Variants in VDAC1 observed in about 807,000 individuals in gnomAD.
VDAC1 encodes the protein voltage dependent anion channel 1.
VDAC1 carries 10 observed loss-of-function variants against 34.7 expected under a neutral mutation model. The observed-to-expected ratio is 0.29, with a 90% CI of 0.18 to 0.49. The LOEUF is 0.49. Among genes scored for constraint, VDAC1 ranks in the 20% least tolerant of loss-of-function variants. The pLI is 0.99. For missense variants in VDAC1, 230 were observed against 347.9 expected (o/e 0.66, Z 2.69); for synonymous variants, 130 against 136.0 (o/e 0.96, Z 0.30).
Position 133,991,074 on chromosome 5 carries a change from C to T in VDAC1, c.198G>A (p.Glu66=). The change falls in exon 4 of 9, where the codon GAG becomes GAA. Residue 66 remains glutamate (E), a synonymous_variant. Transcript: ENST00000265333. ...ATTTCTCTGTAAACGTCAGGCCGTA[C>T]TCAGTCCATCTGTACTTGGTTTCCA... ...GSLETKYRWT[E]YGLTFTEKWN... 6.2e-7 allele frequency: 1 copy of T among 1,614,142 alleles called. No homozygotes were observed. The highest frequency in any genetic ancestry group is 8.5e-7 in the Non-Finnish European group (1 of 1,180,042).
At chr5:134,005,500 T>A (rs549876053), upstream of VDAC1, 1 of 152,394 alleles carries the variant, frequency 6.6e-6, no homozygotes, top group Admixed American at 6.5e-5. Flanking sequence ...GCAAAGCTAC[T>A]AGCAGCCAAT....
chr5:134,012,016 G>C, the VDAC1 span, among the ~76,000 whole-genome samples: 837 of 152,074 alleles, frequency 5.5e-3, 8 homozygotes, highest in African/African-American at 0.02. Flanking sequence ...AGCAGGGCAG[G>C]GGTGGGGAGA....
At chr5:134,058,398 C>A in the VDAC1 span, among the ~76,000 whole-genome samples, 1 of 151,854 alleles carries the variant, frequency 6.6e-6, no homozygotes, top group Admixed American at 6.6e-5. Context: ...ACTGGAAGCT[C>A]CGCCTCCTGA....
the VDAC1 span, among the ~76,000 whole-genome samples, chr5:134,014,158 A>T: frequency 3.3e-5 from 5 of 151,014 alleles, no homozygotes; most frequent in East Asian, 9.8e-4. Context: ...GTGTGGTGGC[A>T]CGCGCTTGTA....
At chr5:134,065,634 C>T in the VDAC1 span, among the ~76,000 whole-genome samples, 15 of 151,850 alleles carry the variant, frequency 9.9e-5, no homozygotes, top group Admixed American at 3.3e-4. Context: ...AGCCACTGTG[C>T]CCTGCCTCTT....
At position 133,990,917 on chromosome 5, in the gene VDAC1, A is replaced by C. The variant is rs1455854294; in HGVS notation, c.271-10T>G. The C allele has an allele frequency of 6.3e-7, 1 of 1,590,440 alleles. No homozygotes were observed. The highest frequency in any genetic ancestry group is 8.6e-7 in the Non-Finnish European group (1 of 1,166,472). On this transcript the variant is annotated splice_polypyrimidine_tract_variant and intron_variant, in intron 4 of 8. Coordinates refer to ENST00000265333, the MANE Select transcript of VDAC1 (RefSeq NM_003374.3). ...TCAGTCCACGTGCAAGCTGAACAGA[A>C]AAGAAATTTGCCACTAGATTTAGTC... is the stretch of plus-strand genomic sequence containing the variant.
chr5:134,044,671 G>T, the VDAC1 span, among the ~76,000 whole-genome samples: 1 of 152,130 alleles, frequency 6.6e-6, no homozygotes, highest in Non-Finnish European at 1.5e-5. Flanking sequence ...GTGCGCGCGC[G>T]CACAGGTATG....
the VDAC1 span, among the ~76,000 whole-genome samples, chr5:134,030,048 A>G: frequency 2.0e-5 from 3 of 152,170 alleles, no homozygotes; most frequent in Non-Finnish European, 4.4e-5. Context: ...TTTCAATAGA[A>G]AAAGGAAAAA....
At chr5:134,086,795 C>T in the VDAC1 span, among the ~76,000 whole-genome samples, 1 of 152,176 alleles carries the variant, frequency 6.6e-6, no homozygotes, top group African/African-American at 2.4e-5. Flanking sequence ...CAGCACATTC[C>T]CATCCCACTA....
chr5:134,073,553 C>T, the VDAC1 span, among the ~76,000 whole-genome samples: 1 of 152,168 alleles, frequency 6.6e-6, no homozygotes, highest in African/African-American at 2.4e-5. Context: ...ACAAAACAGC[C>T]ATCCTTGAGT....
chr5:134,047,434 C>A, the VDAC1 span, among the ~76,000 whole-genome samples: 1 of 152,010 alleles, frequency 6.6e-6, no homozygotes, highest in Non-Finnish European at 1.5e-5. Flanking sequence ...CTTCCAGAGC[C>A]CAAGCCGTGA....
chr5:133,985,629 G>A (rs1580716746), intron 5 of VDAC1, among the ~76,000 whole-genome samples: 1 of 152,282 alleles, frequency 6.6e-6, no homozygotes, highest in East Asian at 1.9e-4. Context: ...ACTCCAGCCT[G>A]AGCGACAGAG....
the VDAC1 span, among the ~76,000 whole-genome samples, chr5:134,057,742 T>C: frequency 1.3e-5 from 2 of 151,268 alleles, no homozygotes; most frequent in Admixed American, 6.6e-5. Context: ...TACTGCCAAA[T>C]GGCCCTTCAG....
chr5:134,075,297 CCATT>C, the VDAC1 span, among the ~76,000 whole-genome samples: 3 of 152,090 alleles, frequency 2.0e-5, no homozygotes, highest in Non-Finnish European at 4.4e-5. Context: ...ATTCACACTG[CCATT>C]CACACTATTC....
the VDAC1 span, among the ~76,000 whole-genome samples, chr5:134,022,373 A>G: frequency 6.6e-6 from 1 of 152,226 alleles, no homozygotes; most frequent in South Asian, 2.1e-4. Flanking sequence ...ATTGGCACAC[A>G]GTTCTAGAGG....
At chr5:134,068,816 T>C in the VDAC1 span, among the ~76,000 whole-genome samples, 5 of 152,194 alleles carry the variant, frequency 3.3e-5, no homozygotes, top group Non-Finnish European at 5.9e-5. Context: ...CCGAAATTAA[T>C]AGTAGAGGTG....
At chr5:134,109,830 G>A in the VDAC1 span, among the ~76,000 whole-genome samples, 178 of 151,746 alleles carry the variant, frequency 1.2e-3, no homozygotes, top group African/African-American at 3.6e-3. Flanking sequence ...GTGAATTTGG[G>A]CCCAAAGAAG....
the VDAC1 span, among the ~76,000 whole-genome samples, chr5:134,038,348 G>A: frequency 6.6e-6 from 1 of 151,946 alleles, no homozygotes; most frequent in East Asian, 1.9e-4. Flanking sequence ...CCTGGGATGA[G>A]AACAAGGTGG....
At chr5:134,045,216 C>T in the VDAC1 span, among the ~76,000 whole-genome samples, 1 of 152,236 alleles carries the variant, frequency 6.6e-6, no homozygotes, top group Non-Finnish European at 1.5e-5. Flanking sequence ...GGCCTGGACT[C>T]ATCAGCTTCA....
Sources: gnomAD v4.1 joint callset for allele counts (sites outside exome capture counted in the v4.1 genomes callset) on GRCh38, gnomAD v4.1.1 for gene constraint, MANE v1.5 for transcripts, NCBI Gene and HGNC (gene_info 2026-07-23, HGNC 2026-07-21) for gene names.